The following TTLL11 variants were observed in gnomAD, a reference collection of about 807,000 sequenced individuals.
TTLL11 encodes tubulin tyrosine ligase like 11.
A neutral mutation model predicts 51.7 loss-of-function variants in TTLL11; 42 were observed. The ratio of observed to expected loss-of-function variants is 0.81; its 90% CI spans 0.64 to 1.05. The LOEUF is 1.05. TTLL11 is among the 50% of genes least tolerant of loss of function. TTLL11 has a pLI of 0.00. For synonymous variants in TTLL11, 381 were observed against 383.5 expected (o/e 0.99, Z 0.08); for missense variants, 799 against 940.4 (o/e 0.85, Z 1.97).
chr9:122,005,918 C>T (rs1352480314), intron 3 of TTLL11, among the ~76,000 whole-genome samples: 2 of 152,172 alleles, frequency 1.3e-5, no homozygotes, highest in African/African-American at 2.4e-5. Context: ...TCCTGCCACA[C>T]CTTAATAAAG....
intron 3 of TTLL11, among the ~76,000 whole-genome samples, chr9:122,018,176 A>C (rs928051967): frequency 1.4e-5 from 2 of 145,672 alleles, no homozygotes; most frequent in Middle Eastern, 3.6e-3. Context: ...GCAGTGGCTC[A>C]ATCTCCACTC....
At chr9:121,933,738 G>A (rs1841087081) in intron 6 of TTLL11, among the ~76,000 whole-genome samples, 1 of 152,122 alleles carries the variant, frequency 6.6e-6, no homozygotes. Context: ...TGTCTTTAAT[G>A]TCTGGCTTAA....
chr9:121,942,721 C>T (rs1186422078), intron 6 of TTLL11, among the ~76,000 whole-genome samples: 5 of 150,442 alleles, frequency 3.3e-5, no homozygotes, highest in African/African-American at 4.9e-5. Flanking sequence ...TCCCTCCTCA[C>T]GTTTCTAATC....
At chr9:122,079,419 C>G (rs1305537694) in intron 1 of TTLL11, among the ~76,000 whole-genome samples, 1 of 151,976 alleles carries the variant, frequency 6.6e-6, no homozygotes, top group African/African-American at 2.4e-5. Flanking sequence ...AAGAAATCAC[C>G]TATCAAAACT....
intron 6 of TTLL11, among the ~76,000 whole-genome samples, chr9:121,973,632 T>A (rs1842629082): frequency 6.6e-6 from 1 of 152,022 alleles, no homozygotes; most frequent in Non-Finnish European, 1.5e-5. Context: ...TTAGGAGATA[T>A]ACCTAATGTT....
At position 121,995,199 on chromosome 9, in the gene TTLL11, G is replaced by GGAA. The variant is rs1843215350; in HGVS notation, c.694-5432_694-5430dup. Among the ~76,000 whole-genome samples, 1 of 152,188 alleles carries GGAA rather than the reference G, an allele frequency of 6.6e-6. No individual in the cohort carries two copies. The highest frequency in any genetic ancestry group is 6.5e-5 in the Admixed American group (1 of 15,272). The stretch of plus-strand genomic sequence containing the variant: ...AGATTATCCAGAGACAGGATAGAGA[G>GGAA]GAAGAAGAGGGCACCTGGGAGCCAG... On this transcript the variant is annotated intron_variant, in intron 3 of 8. Transcript: ENST00000321582. This position sits in a 1 kb window ranked among gnomAD's most constrained non-coding sequence, Gnocchi z 4.4.
intron 1 of TTLL11, among the ~76,000 whole-genome samples, chr9:122,069,587 C>T (rs555944321): frequency 6.2e-4 from 95 of 152,226 alleles, no homozygotes; most frequent in Non-Finnish European, 1.2e-3. Context: ...GAAGCTGAGG[C>T]GGGAGAATCG....
Position 121,822,469 on chromosome 9 carries a change from G to A in TTLL11, c.*118C>T, listed in dbSNP as rs1564257892. ...GCCGCACACAGAGACAGTTCGTGGGGACCTCAGCTGGGCCCCTCGGCAGCC... is the reference window on the plus strand; with the variant it reads ...GCCGCACACAGAGACAGTTCGTGGGAACCTCAGCTGGGCCCCTCGGCAGCC... On this transcript the variant is annotated 3_prime_UTR_variant, in exon 9 of 9. Transcript: ENST00000321582. This position sits in a 1 kb window ranked among gnomAD's most constrained non-coding sequence, Gnocchi z 5.8. 5 of 986,780 alleles carry A rather than the reference G, an allele frequency of 5.1e-6. No individual in the cohort carries two copies. The East Asian group carries it at 1.2e-4, about 23-fold the overall frequency. 61.1% of individuals were successfully genotyped at this position (986,780 alleles called of 1,614,324 possible).
Position 121,860,395 on chromosome 9 carries a change from G to A in TTLL11, c.1782C>T (p.Ile594=). ...ACCTCCGTGTGATGTCAATGTAGAG[G>A]ATGTCCACGGCAGCCATGGACAGGC... ...SSSLSMAAVD[I]LYIDITRRWN... is the part of the protein sequence containing the mutation. The change falls in exon 8 of 9, where the codon ATC becomes ATT. Residue 594 remains isoleucine (I), a synonymous_variant. Coordinates refer to ENST00000321582, the MANE Select transcript of TTLL11 (RefSeq NM_001139442.2). 1.3e-6 allele frequency: 2 copies of A among 1,551,466 alleles called. No homozygotes were observed. The highest frequency in any genetic ancestry group is 2.4e-5 in the East Asian group (1 of 40,912).
intron 6 of TTLL11, among the ~76,000 whole-genome samples, chr9:121,966,530 T>C (rs894985881): frequency 6.6e-6 from 1 of 152,160 alleles, no homozygotes; most frequent in African/African-American, 2.4e-5. Context: ...TTAAAAATAA[T>C]TGAGATTGCA....
At chr9:121,965,891 C>T (rs1009457397) in intron 6 of TTLL11, among the ~76,000 whole-genome samples, 1 of 152,184 alleles carries the variant, frequency 6.6e-6, no homozygotes, top group African/African-American at 2.4e-5. Context: ...TACGACAAGG[C>T]CCAGCCACAA....
intron 1 of TTLL11, among the ~76,000 whole-genome samples, chr9:122,043,543 T>C (rs541154549): frequency 7.2e-5 from 11 of 152,150 alleles, no homozygotes; most frequent in Admixed American, 2.0e-4. Context: ...CCTAATCATA[T>C]GAGAAAAGCT....
intron 3 of TTLL11, among the ~76,000 whole-genome samples, chr9:122,007,832 G>A (rs1843698249): frequency 6.6e-6 from 1 of 152,162 alleles, no homozygotes; most frequent in Non-Finnish European, 1.5e-5. Flanking sequence ...AGGACATTAC[G>A]TAGTCTTAAA....
chr9:121,910,519 C>T (rs751164169), intron 6 of TTLL11, among the ~76,000 whole-genome samples: 4 of 152,228 alleles, frequency 2.6e-5, no homozygotes, highest in Non-Finnish European at 4.4e-5. Flanking sequence ...GTTTGGAAAA[C>T]AGTGATGCAT....
intron 6 of TTLL11, among the ~76,000 whole-genome samples, chr9:121,926,836 A>G (rs1405349172): frequency 6.6e-6 from 1 of 152,228 alleles, no homozygotes; most frequent in Non-Finnish European, 1.5e-5. Context: ...GGGGTGGCAC[A>G]GAAACAATAG....
intron 6 of TTLL11, among the ~76,000 whole-genome samples, chr9:121,875,934 C>T (rs1838545172): frequency 6.6e-6 from 1 of 152,198 alleles, no homozygotes; most frequent in Non-Finnish European, 1.5e-5. Flanking sequence ...AACCACCTAT[C>T]TCTATTTTGC....
intron 6 of TTLL11, among the ~76,000 whole-genome samples, chr9:121,907,800 C>T (rs142822199): frequency 6.6e-6 from 1 of 152,238 alleles, no homozygotes; most frequent in East Asian, 1.9e-4. Context: ...TGTATTATAT[C>T]CAACCAAGTG....
chr9:121,946,685 T>C (rs1841681709), intron 6 of TTLL11, among the ~76,000 whole-genome samples: 1 of 152,186 alleles, frequency 6.6e-6, no homozygotes, highest in Non-Finnish European at 1.5e-5. Context: ...TCAGGACCAG[T>C]GGTCCTCAAA....
At position 121,822,865 on chromosome 9, in the gene TTLL11, C is replaced by G; in HGVS notation, c.1855G>C (p.Ala619Pro). The G allele has an allele frequency of 2.6e-6, 4 of 1,550,382 alleles. No individual in the cohort carries two copies. The highest frequency in any genetic ancestry group is 3.5e-6 in the Non-Finnish European group (4 of 1,146,348). ...AGGAAAAAGAAAGCTTCTACGAAGG[C>G]CTGCAGACACATCCCTGTGAACAAA... ...DQRDSGMCLQAFVEAFFFLAQ... is the reference protein window; with the variant it reads ...DQRDSGMCLQPFVEAFFFLAQ... Residue 619 changes from alanine to proline, a missense_variant, in exon 9 of 9, where the codon GCC (alanine) becomes CCC (proline). Ala to Pro is a conservative substitution (Grantham distance 27). Coordinates refer to ENST00000321582, the MANE Select transcript of TTLL11 (RefSeq NM_001139442.2). The surrounding 1 kb of genome is among the most constrained non-coding windows in gnomAD (Gnocchi z 5.8).
Sources: gnomAD v4.1 joint callset for allele counts (sites outside exome capture counted in the v4.1 genomes callset) on GRCh38, gnomAD v4.1.1 for gene constraint, Gnocchi (gnomAD v3.1) non-coding constraint, MANE v1.5 for transcripts, NCBI Gene and HGNC (gene_info 2026-07-23, HGNC 2026-07-21) for gene names.